Variants in CSMD3 observed in about 807,000 individuals in gnomAD.
The protein encoded by CSMD3 is CUB and sushi domain-containing protein 3.
A neutral mutation model predicts 435.2 loss-of-function variants in CSMD3; 177 were observed. That is an observed-to-expected ratio of 0.41 (90% confidence interval 0.36 to 0.46). The LOEUF (loss-of-function observed/expected upper bound fraction) is 0.46. Among genes scored for constraint, CSMD3 ranks in the 20% least tolerant of loss-of-function variants. The pLI, the probability that CSMD3 is intolerant of heterozygous loss-of-function variation, is 0.34. For missense variants in CSMD3, 4,265 were observed against 4,504.6 expected (o/e 0.95, Z 1.52); for synonymous variants, 1,656 against 1,520.5 (o/e 1.09, Z -2.07).
chr8:113,047,656 G>A (rs554456008), intron 5 of CSMD3, among the ~76,000 whole-genome samples: 1 of 152,130 alleles, frequency 6.6e-6, no homozygotes, highest in Admixed American at 6.5e-5. Flanking sequence ...ATCAAAATAA[G>A]TATCCTAGAA....
At chr8:112,330,894 T>C (rs1823983467) in intron 45 of CSMD3, among the ~76,000 whole-genome samples, 1 of 152,008 alleles carries the variant, frequency 6.6e-6, no homozygotes, top group Non-Finnish European at 1.5e-5. Flanking sequence ...GTTGTTTTGA[T>C]TTTTCAAAAA....
intron 64 of CSMD3, among the ~76,000 whole-genome samples, chr8:112,244,806 T>C (rs1434486740): frequency 1.3e-5 from 2 of 151,938 alleles, no homozygotes; most frequent in African/African-American, 4.8e-5. Flanking sequence ...TAATAGATGT[T>C]AAATAAATTG....
intron 5 of CSMD3, among the ~76,000 whole-genome samples, chr8:113,045,601 C>G (rs2087795687): frequency 6.7e-6 from 1 of 149,252 alleles, no homozygotes; most frequent in African/African-American, 2.4e-5. Flanking sequence ...ATAAATCTAC[C>G]AATCTTAAAA....
intron 2 of CSMD3, among the ~76,000 whole-genome samples, chr8:113,292,438 A>G (rs548725824): frequency 2.4e-3 from 363 of 152,016 alleles, no homozygotes; most frequent in Non-Finnish European, 3.6e-3. Flanking sequence ...AAACAAAAGC[A>G]TATTCTTAAA....
chr8:112,721,209 C>A (rs184630505), intron 13 of CSMD3, among the ~76,000 whole-genome samples: 12 of 152,192 alleles, frequency 7.9e-5, no homozygotes, highest in Admixed American at 4.6e-4. Flanking sequence ...GATATGTGAA[C>A]AATTGGAAAA....
At chr8:112,917,069 T>C (rs754052334) in intron 10 of CSMD3, among the ~76,000 whole-genome samples, 1 of 151,938 alleles carries the variant, frequency 6.6e-6, no homozygotes, top group Non-Finnish European at 1.5e-5. Flanking sequence ...AGAAAGGAAT[T>C]GAACCTCATT....
intron 3 of CSMD3, among the ~76,000 whole-genome samples, chr8:113,223,228 C>T (rs1588308127): frequency 1.3e-5 from 2 of 150,124 alleles, no homozygotes; most frequent in Non-Finnish European, 3.0e-5. Flanking sequence ...CTAATTGCTG[C>T]TTTTTTAAAG....
intron 4 of CSMD3, among the ~76,000 whole-genome samples, chr8:113,130,107 C>A (rs2091247335): frequency 6.6e-6 from 1 of 151,918 alleles, no homozygotes; most frequent in African/African-American, 2.4e-5. Flanking sequence ...ACACTAAGCA[C>A]AGTAATGTGC....
At position 112,223,308 on chromosome 8, in the gene CSMD3, C is replaced by G; in HGVS notation, c.*1463G>C. On this transcript the variant is annotated 3_prime_UTR_variant, in exon 71 of 71. Coordinates refer to ENST00000297405, the MANE Select transcript of CSMD3 (RefSeq NM_198123.2). ...TGTAGAGATAGAGCCAAGCAGCGCT[C>G]CCAGGTGCAAGGGTTTCTCTTAGGC... 1 of 357,356 alleles carries G rather than the reference C, an allele frequency of 2.8e-6. No homozygotes were observed. The highest frequency in any genetic ancestry group is 3.9e-5 in the East Asian group (1 of 25,760). The allele number at this position is 357,356 out of a possible 1,614,324, so 22.1% of individuals were successfully genotyped here. A position where few individuals can be genotyped will look rare whatever the true frequency, so the allele number is the denominator to read the frequency against.
At chr8:112,593,167 AT>A (rs1831345370) in intron 22 of CSMD3, among the ~76,000 whole-genome samples, 1 of 152,208 alleles carries the variant, frequency 6.6e-6, no homozygotes, top group Admixed American at 6.5e-5. Context: ...ATTCTAAGAC[AT>A]TTGAACTTTA....
intron 9 of CSMD3, among the ~76,000 whole-genome samples, chr8:112,943,199 G>T (rs1048955164): frequency 2.0e-5 from 3 of 151,532 alleles, no homozygotes; most frequent in Non-Finnish European, 3.0e-5. Flanking sequence ...TAAATTTTAA[G>T]CAATTTTTCC....
At chr8:112,361,439 G>A (rs979609305) in intron 38 of CSMD3, among the ~76,000 whole-genome samples, 4 of 150,782 alleles carry the variant, frequency 2.7e-5, no homozygotes, top group Admixed American at 2.6e-4. Context: ...TAATCAAAAC[G>A]TATTATTTCC....
chr8:113,201,739 C>A (rs1262027233), intron 3 of CSMD3, among the ~76,000 whole-genome samples: 2 of 151,916 alleles, frequency 1.3e-5, no homozygotes, highest in African/African-American at 4.8e-5. Flanking sequence ...TTTAAAAAAA[C>A]CTTTAGAGCA....
At position 113,099,748 on chromosome 8, in the gene CSMD3, T is replaced by A. The variant is rs914188701; in HGVS notation, c.710-785A>T. On this transcript the variant is annotated intron_variant, in intron 4 of 70. Coordinates refer to ENST00000297405, the MANE Select transcript of CSMD3 (RefSeq NM_198123.2). ...GGTAGGAACTAGCAGCGTGGTTATA[T>A]GAGTAGCTGTGTTTGGTATGCAAAC... Among the ~76,000 whole-genome samples the A allele has an allele frequency of 1.3e-5, 2 of 152,064 alleles. 1 individual carries two copies. The highest frequency in any genetic ancestry group is 2.9e-5 in the Non-Finnish European group (2 of 67,966).
At chr8:112,463,371 G>GA in intron 32 of CSMD3, among the ~76,000 whole-genome samples, 1 of 152,032 alleles carries the variant, frequency 6.6e-6, no homozygotes, top group East Asian at 1.9e-4. Context: ...CAAAGAAAGA[G>GA]AAAAAAAGAA....
intron 3 of CSMD3, among the ~76,000 whole-genome samples, chr8:113,194,355 G>C (rs542479756): frequency 6.6e-6 from 1 of 151,202 alleles, no homozygotes; most frequent in East Asian, 1.9e-4. Flanking sequence ...ATAACACACA[G>C]AGTGTACTCA....
chr8:113,350,720 C>A (rs1422869068), intron 1 of CSMD3, among the ~76,000 whole-genome samples: 1 of 152,086 alleles, frequency 6.6e-6, no homozygotes, highest in Non-Finnish European at 1.5e-5. Context: ...TAGATAGAAT[C>A]AAGTCACAGC....
chr8:112,521,462 G>A (rs370807575), intron 27 of CSMD3, among the ~76,000 whole-genome samples: 1 of 151,750 alleles, frequency 6.6e-6, no homozygotes, highest in African/African-American at 2.4e-5. Flanking sequence ...TTTGGCCTCC[G>A]ATTCATCAGC....
intron 5 of CSMD3, among the ~76,000 whole-genome samples, chr8:113,081,370 A>G (rs1036711245): frequency 6.6e-6 from 1 of 152,084 alleles, no homozygotes. Flanking sequence ...TGTCATTTCA[A>G]TCTCTACCAG....
Sources: gnomAD v4.1 joint callset for allele counts (sites outside exome capture counted in the v4.1 genomes callset) on GRCh38, gnomAD v4.1.1 for gene constraint, MANE v1.5 for transcripts, NCBI Gene and HGNC (gene_info 2026-07-23, HGNC 2026-07-21) for gene names.